KCNQ1OT1: variants seen among roughly 807,000 people sequenced by gnomAD.
The protein encoded by KCNQ1OT1 is KCNQ1 antisense RNA 2 (non-protein coding).
At chr11:2,667,711 G>A in exon 1 of KCNQ1OT1, 1 of 398,788 alleles carries the variant, frequency 2.5e-6, no homozygotes, top group Non-Finnish European at 4.4e-6. Context: ...AGGAAGTCTG[G>A]AAGCCGTGTC....
Position 2,687,912 on chromosome 11 carries a change from C to T in KCNQ1OT1, n.12083G>A. ...AAATCCTGGTGGGATGGAAAATCCCCAGCAGTTGTGAGGCTGCACTTCTCC... is the reference window on the plus strand; with the variant it reads ...AAATCCTGGTGGGATGGAAAATCCCTAGCAGTTGTGAGGCTGCACTTCTCC... On this transcript the variant is annotated non_coding_transcript_exon_variant, in exon 1 of 1. Transcript: ENST00000597346. This position sits in a 1 kb window ranked among gnomAD's most constrained non-coding sequence, Gnocchi z 5.0. The T allele has an allele frequency of 1.0e-5, 4 of 398,724 alleles. No individual in the cohort carries two copies. Among genetic ancestry groups the T allele is most frequent in the Non-Finnish European group, 1.3e-5 (3 of 226,116 alleles). 24.7% of individuals were successfully genotyped at this position (398,724 alleles called of 1,614,324 possible).
chr11:2,650,830 A>G (rs1266462935), exon 1 of KCNQ1OT1: 1 of 398,418 alleles, frequency 2.5e-6, no homozygotes, highest in Non-Finnish European at 4.4e-6. Flanking sequence ...GCACTTACTG[A>G]TTTTATGCTT....
chr11:2,630,096 A>T (rs984925826), exon 1 of KCNQ1OT1: 1 of 398,316 alleles, frequency 2.5e-6, no homozygotes, highest in Middle Eastern at 6.3e-4. Context: ...CATTCCTTCT[A>T]TACCTAATTT....
chr11:2,636,357 C>T (rs1289660624), exon 1 of KCNQ1OT1: 2 of 151,704 alleles, frequency 1.3e-5, no homozygotes, highest in Non-Finnish European at 3.0e-5. Flanking sequence ...GAGATACATC[C>T]CATCAATACC....
chr11:2,686,910 T>C (rs1228427268), exon 1 of KCNQ1OT1: 1 of 398,522 alleles, frequency 2.5e-6, no homozygotes, highest in African/African-American at 2.1e-5. Context: ...GGCAACCCAA[T>C]CCAGGTCCAT....
rs1850182748 is a variant in KCNQ1OT1, at chr11:2,671,487, AG to A, written n.28507del. 1.0e-5 allele frequency: 4 copies of A among 398,594 alleles called. No homozygotes were observed. The highest frequency in any genetic ancestry group is 1.3e-3 in the Middle Eastern group (2 of 1,588). The allele number at this position is 398,594 out of a possible 1,614,324, so 24.7% of individuals were successfully genotyped here. A position where few individuals can be genotyped will look rare whatever the true frequency, so the allele number is the denominator to read the frequency against. On this transcript the variant is annotated non_coding_transcript_exon_variant, in exon 1 of 1. Transcript: ENST00000597346. This position sits in a 1 kb window ranked among gnomAD's most constrained non-coding sequence, Gnocchi z 4.7. Reference sequence around the variant, plus strand: ...GGGGATATACACAAAGATCTGAGAAAGGGATTATTTTTAGGGCCAATTCAAG... The same window carrying A: ...GGGGATATACACAAAGATCTGAGAAAGGATTATTTTTAGGGCCAATTCAAG...
At chr11:2,680,593 C>G (rs890271193) in exon 1 of KCNQ1OT1, 8 of 398,330 alleles carry the variant, frequency 2.0e-5, no homozygotes, top group Non-Finnish European at 3.1e-5. Context: ...TAGTCTCCCC[C>G]GATAGTAACA....
At chr11:2,635,795 C>T (rs1198691087) in exon 1 of KCNQ1OT1, 1 of 152,122 alleles carries the variant, frequency 6.6e-6, no homozygotes, top group Non-Finnish European at 1.5e-5. Context: ...TTTCATGATA[C>T]TGATTCTCCC....
exon 1 of KCNQ1OT1, chr11:2,662,849 CCTT>C (rs1035220633): frequency 1.0e-5 from 4 of 398,686 alleles, no homozygotes; most frequent in African/African-American, 6.2e-5. Flanking sequence ...TGGAAACTCT[CCTT>C]CTCTCTACCA....
exon 1 of KCNQ1OT1, chr11:2,680,206 TA>T (rs139249507): frequency 0.12 from 41,608 of 352,364 alleles, 68 homozygotes; most frequent in Middle Eastern, 0.14. Flanking sequence ...CTTGCCTAAT[TA>T]AAAAAAAAAA....
chr11:2,614,181 A>G (rs1849024206), exon 1 of KCNQ1OT1: 2 of 398,514 alleles, frequency 5.0e-6, no homozygotes, highest in East Asian at 7.1e-5. Context: ...CCAAGAGGTG[A>G]TTCTCTGAGG....
rs1158232247 is a variant in KCNQ1OT1, at chr11:2,672,437, C to T, written n.27558G>A. On this transcript the variant is annotated non_coding_transcript_exon_variant, in exon 1 of 1. Transcript: ENST00000597346. The stretch of plus-strand genomic sequence containing the variant: ...AGTACAGAACAGTCCACCCCAGGGG[C>T]TCTGAAGAGCTTCAATTGAGATATC... 5 of 398,500 alleles carry T rather than the reference C, an allele frequency of 1.3e-5. No individual in the cohort carries two copies. The Admixed American group carries it at 1.8e-4, about 14-fold the overall frequency. 24.7% of individuals were successfully genotyped at this position (398,500 alleles called of 1,614,324 possible). A position where few individuals can be genotyped will look rare whatever the true frequency, so the allele number is the denominator to read the frequency against.
At chr11:2,689,327 C>A (rs975758172) in exon 1 of KCNQ1OT1, 49 of 398,564 alleles carry the variant, frequency 1.2e-4, no homozygotes, top group Admixed American at 5.3e-4. Flanking sequence ...AGGACTGCCC[C>A]TATCCGCAGA....
Position 2,651,832 on chromosome 11 carries a change from T to C in KCNQ1OT1, n.48163A>G, listed in dbSNP as rs1849760711. The stretch of plus-strand genomic sequence containing the variant: ...CATTGGAATGGAGCCCACAGGACCA[T>C]ACCAGACAGATGCCACCACATCTTT... On this transcript the variant is annotated non_coding_transcript_exon_variant, in exon 1 of 1. Coordinates refer to ENST00000597346, the Ensembl canonical transcript of KCNQ1OT1. This position sits in a 1 kb window ranked among gnomAD's most constrained non-coding sequence, Gnocchi z 6.1. 2.5e-6 allele frequency: 1 copy of C among 398,514 alleles called. No individual in the cohort carries two copies. Among genetic ancestry groups the C allele is most frequent in the Non-Finnish European group, 4.4e-6 (1 of 226,110 alleles). 24.7% of individuals were successfully genotyped at this position (398,514 alleles called of 1,614,324 possible).
chr11:2,666,398 A>G (rs984086759), exon 1 of KCNQ1OT1: 2 of 398,670 alleles, frequency 5.0e-6, no homozygotes, highest in Non-Finnish European at 8.8e-6. Context: ...CAAATCCTTG[A>G]GCAAAAACAG....
In KCNQ1OT1 at chr11:2,670,268, T is replaced by C. The variant is rs546652577; in HGVS notation, n.29727A>G. 14 of 398,614 alleles carry C rather than the reference T, an allele frequency of 3.5e-5. No homozygotes were observed. The South Asian group carries it at 1.3e-3, about 36-fold the overall frequency. 24.7% of individuals were successfully genotyped at this position (398,614 alleles called of 1,614,324 possible). A position where few individuals can be genotyped will look rare whatever the true frequency, so the allele number is the denominator to read the frequency against. Reference sequence around the variant, plus strand: ...GACGGGCGAGGGAAGAGGACCATGGTAGCTTGTCTCTAGGCAACCCATAGG... The same window carrying C: ...GACGGGCGAGGGAAGAGGACCATGGCAGCTTGTCTCTAGGCAACCCATAGG... On this transcript the variant is annotated non_coding_transcript_exon_variant, in exon 1 of 1. Coordinates refer to ENST00000597346, the Ensembl canonical transcript of KCNQ1OT1. This position sits in a 1 kb window ranked among gnomAD's most constrained non-coding sequence, Gnocchi z 4.9.
rs1029991140 is a variant in KCNQ1OT1, at chr11:2,653,022, C to G, written n.46973G>C. 1 of 398,544 alleles carries G rather than the reference C, an allele frequency of 2.5e-6. No individual in the cohort carries two copies. The highest frequency in any genetic ancestry group is 1.3e-4 in the South Asian group (1 of 7,868). The allele number at this position is 398,544 out of a possible 1,614,324, so 24.7% of individuals were successfully genotyped here. A position where few individuals can be genotyped will look rare whatever the true frequency, so the allele number is the denominator to read the frequency against. The stretch of plus-strand genomic sequence containing the variant: ...GCTTGAGGCAAATCTATTCTGCACA[C>G]CTTTGATCCAATGTGAGATCCAACA... On this transcript the variant is annotated non_coding_transcript_exon_variant, in exon 1 of 1. Coordinates refer to ENST00000597346, the Ensembl canonical transcript of KCNQ1OT1. This position sits in a 1 kb window ranked among gnomAD's most constrained non-coding sequence, Gnocchi z 5.3.
chr11:2,677,777 TC>T lies in KCNQ1OT1; in HGVS notation n.22217del. On this transcript the variant is annotated non_coding_transcript_exon_variant, in exon 1 of 1. Coordinates refer to ENST00000597346, the Ensembl canonical transcript of KCNQ1OT1. This position sits in a 1 kb window ranked among gnomAD's most constrained non-coding sequence, Gnocchi z 4.5. ...GATTTACTTTAAGAGATCCTCCCTT[TC>T]CCCCCATTTCCAGCAGGATTAAAAT... is the stretch of plus-strand genomic sequence containing the variant. 2.5e-6 allele frequency: 1 copy of T among 398,474 alleles called. No individual in the cohort carries two copies. The highest frequency in any genetic ancestry group is 2.1e-5 in the African/African-American group (1 of 48,716). The allele number at this position is 398,474 out of a possible 1,614,324, so 24.7% of individuals were successfully genotyped here. A position where few individuals can be genotyped will look rare whatever the true frequency, so the allele number is the denominator to read the frequency against.
chr11:2,688,497 T>C, exon 1 of KCNQ1OT1: 1 of 398,722 alleles, frequency 2.5e-6, no homozygotes, highest in Non-Finnish European at 4.4e-6. Context: ...GTTGCCCTGC[T>C]CTGGGTGATG....
Sources: gnomAD v4.1 joint callset for allele counts on GRCh38, gnomAD v4.1.1 for gene constraint, Gnocchi (gnomAD v3.1) non-coding constraint, MANE v1.5 for transcripts, NCBI Gene and HGNC (gene_info 2026-07-23, HGNC 2026-07-21) for gene names.